Variants in CPEB1 observed in about 807,000 individuals in gnomAD.
The protein encoded by CPEB1 is cytoplasmic polyadenylation element binding protein 1.
Under a neutral mutation model 65.8 loss-of-function variants are expected in CPEB1, and 7 were observed. The observed-to-expected ratio is 0.11, with a 90% confidence interval of 0.06 to 0.20. CPEB1 has a LOEUF of 0.20. Among genes scored for constraint, CPEB1 ranks in the 10% least tolerant of loss-of-function variants. CPEB1 has a pLI of 1.00. For synonymous variants in CPEB1, 262 were observed against 260.0 expected (o/e 1.01, Z -0.08); for missense variants, 551 against 712.2 (o/e 0.77, Z 2.58).
intron 3 of CPEB1, among the ~76,000 whole-genome samples, chr15:82,611,022 A>G (rs2044106947): frequency 6.7e-6 from 1 of 150,354 alleles, no homozygotes; most frequent in Non-Finnish European, 1.5e-5. Context: ...AACTTGATAA[A>G]GGGCTCCTAC....
At chr15:82,556,281 T>C in intron 5 of CPEB1, 159 bp from the exon 6 acceptor site, 1 of 772,380 alleles carries the variant, frequency 1.3e-6, no homozygotes, top group Non-Finnish European at 1.9e-6. Context: ...GTTCTAGTTA[T>C]ACTATAATTT....
At chr15:82,582,737 CTTTTTTTTTTT>C (rs11300517) in intron 3 of CPEB1, among the ~76,000 whole-genome samples, 1 of 87,400 alleles carries the variant, frequency 1.1e-5, no homozygotes, top group Non-Finnish European at 2.1e-5. Flanking sequence ...ACTAGGAGTT[CTTTTTTTTTTT>C]TTTTTTTTTT....
At chr15:82,554,818 C>A (rs1365741059) in intron 6 of CPEB1, among the ~76,000 whole-genome samples, 2 of 152,210 alleles carry the variant, frequency 1.3e-5, no homozygotes, top group Non-Finnish European at 2.9e-5. Flanking sequence ...CGTGTTGCTA[C>A]AGCAAGAAAC....
intron 3 of CPEB1, among the ~76,000 whole-genome samples, chr15:82,619,193 C>T (rs906507366): frequency 1.3e-5 from 2 of 152,150 alleles, no homozygotes; most frequent in East Asian, 1.9e-4. Flanking sequence ...CATGGCAATA[C>T]AATTTAAAAG....
At chr15:82,587,056 A>G (rs1225375609) in intron 3 of CPEB1, among the ~76,000 whole-genome samples, 2 of 152,218 alleles carry the variant, frequency 1.3e-5, no homozygotes, top group Non-Finnish European at 2.9e-5. Context: ...CAACATAGGA[A>G]AAGATTTAAA....
At chr15:82,605,219 CAACA>C (rs2043458461) in intron 3 of CPEB1, among the ~76,000 whole-genome samples, 1 of 152,242 alleles carries the variant, frequency 6.6e-6, no homozygotes, top group Non-Finnish European at 1.5e-5. Context: ...ACCTCCCCTA[CAACA>C]AATACTAAAG....
intron 5 of CPEB1, 22 bp downstream of exon 5, chr15:82,557,738 C>G (rs757751366): frequency 5.6e-6 from 9 of 1,607,454 alleles, no homozygotes; most frequent in Non-Finnish European, 1.7e-6. Context: ...CACAACTCCC[C>G]TTTCCCAAAT....
At chr15:82,579,918 CAAAAAAAAAAAAAAAAAAAAAAAA>C (rs59925251) in intron 3 of CPEB1, among the ~76,000 whole-genome samples, 17 of 32,676 alleles carry the variant, frequency 5.2e-4, no homozygotes, top group South Asian at 3.8e-3. Context: ...GACTCCGTCT[CAAAAAAAAAAAAAAAAAAAAAAAA>C]AAAAAAAAAA....
At chr15:82,558,797 T>C (rs2037683667) in intron 4 of CPEB1, among the ~76,000 whole-genome samples, 1 of 152,084 alleles carries the variant, frequency 6.6e-6, no homozygotes, top group Non-Finnish European at 1.5e-5. Flanking sequence ...ACACAATAAA[T>C]ATTTAAATAT....
At chr15:82,545,966 A>T (rs994191915) in intron 12 of CPEB1, among the ~76,000 whole-genome samples, 1 of 151,356 alleles carries the variant, frequency 6.6e-6, no homozygotes, top group African/African-American at 2.4e-5. Flanking sequence ...TCAATTCAAC[A>T]TATTTTCTTA....
chr15:82,588,009 C>A (rs916401582), intron 3 of CPEB1, among the ~76,000 whole-genome samples: 14 of 152,268 alleles, frequency 9.2e-5, no homozygotes, highest in Non-Finnish European at 1.6e-4. Context: ...GCACCCTCTG[C>A]CTCCCAGGCT....
chr15:82,587,610 A>C (rs768600101), intron 3 of CPEB1, among the ~76,000 whole-genome samples: 3 of 152,240 alleles, frequency 2.0e-5, no homozygotes, highest in Non-Finnish European at 4.4e-5. Context: ...AGGTAGTAGC[A>C]CGTATGAATC....
rs1407117813 is a variant in CPEB1 at position 82,573,937 on chromosome 15, C to A, written c.272-2405G>T. Among the ~76,000 whole-genome samples the A allele has an allele frequency of 3.3e-5, 5 of 152,248 alleles. No homozygotes were observed. The East Asian group carries it at 9.7e-4, about 29-fold the overall frequency. On this transcript the variant is annotated intron_variant, in intron 3 of 12. Coordinates refer to ENST00000684509, the MANE Select transcript of CPEB1 (RefSeq NM_001365242.1). ...AAAGCCATGACTGCACCACTGTACT[C>A]CAGCCTGGGCGACAAAGTAGTTCCC...
intron 3 of CPEB1, among the ~76,000 whole-genome samples, chr15:82,593,286 T>C (rs146687115): frequency 0.01 from 1,566 of 152,374 alleles, 15 homozygotes; most frequent in Non-Finnish European, 0.015. Context: ...ACTCTGCCTC[T>C]GCTTTATCAA....
intron 1 of CPEB1, chr15:82,633,068 T>C (rs2046388295): frequency 6.6e-6 from 1 of 152,226 alleles, no homozygotes; most frequent in African/African-American, 2.4e-5. Flanking sequence ...TATTTTGCCA[T>C]AAAGTGAGGT....
chr15:82,587,088 G>C (rs538840932), intron 3 of CPEB1, among the ~76,000 whole-genome samples: 1 of 152,106 alleles, frequency 6.6e-6, no homozygotes, highest in East Asian at 1.9e-4. Flanking sequence ...AAAAATAACT[G>C]TTCTACTTAT....
intron 4 of CPEB1, among the ~76,000 whole-genome samples, chr15:82,565,374 T>C (rs896003004): frequency 6.6e-6 from 1 of 152,210 alleles, no homozygotes; most frequent in Non-Finnish European, 1.5e-5. Flanking sequence ...TCCCAGCTCA[T>C]GAGACCATAC....
rs1227227948 is a variant in CPEB1, at chr15:82,606,661, A to AG, written c.271+20531_271+20532insC. Among the ~76,000 whole-genome samples, 124 of 101,612 alleles carry AG rather than the reference A, an allele frequency of 1.2e-3. 32 individuals are homozygous for AG. The highest frequency in any genetic ancestry group is 4.5e-3 in the African/African-American group (108 of 24,010). The allele number at this position is 101,612 out of a possible 152,430, so 66.7% of individuals were successfully genotyped here. A position where few individuals can be genotyped will look rare whatever the true frequency, so the allele number is the denominator to read the frequency against. On this transcript the variant is annotated intron_variant, in intron 3 of 12. Transcript: ENST00000684509. ...GTGAAACCCCGTCTCTACTAAAAAT[A>AG]CAAAAAATTAGCCGGGCGTAGTGGC...
intron 3 of CPEB1, among the ~76,000 whole-genome samples, chr15:82,576,543 T>C (rs2040668462): frequency 6.6e-6 from 1 of 152,212 alleles, no homozygotes; most frequent in Non-Finnish European, 1.5e-5. Flanking sequence ...AATTTAAAGA[T>C]ATGTGATAAG....
Sources: allele counts gnomAD v4.1 joint callset (sites outside exome capture counted in the v4.1 genomes callset), GRCh38; gene constraint gnomAD v4.1.1; transcripts MANE v1.5; gene names NCBI Gene and HGNC (gene_info 2026-07-23, HGNC 2026-07-21).